Variants in BCAS3 observed in about 807,000 individuals in gnomAD.
BCAS3 encodes the protein BCAS4/BCAS3 fusion.
A neutral mutation model predicts 116.1 loss-of-function variants in BCAS3; 53 were observed. The ratio of observed to expected loss-of-function variants is 0.46; its 90% CI spans 0.37 to 0.57. The LOEUF is 0.57. Ranked by LOEUF, BCAS3 falls within the 20% of genes least tolerant of loss-of-function variation. BCAS3 has a pLI of 0.00. For missense variants in BCAS3, 917 were observed against 1,165.4 expected, an observed-to-expected ratio of 0.79 and a Z score of 3.10; for synonymous variants, 391 against 408.2, an observed-to-expected ratio of 0.96 and a Z score of 0.51.
In BCAS3 at chr17:60,879,725, T is replaced by G. The variant is rs533192304; in HGVS notation, c.661+4987T>G. 2.0e-5 allele frequency among the ~76,000 whole-genome samples: 3 copies of G among 152,358 alleles called. No individual in the cohort carries two copies. In the South Asian group the frequency reaches 6.2e-4, roughly 32 times the overall value. ...TTACTTGGAGGAGAAAACTTATTTC[T>G]TATAATCTTAGTGTTATTTCTTGGT... On this transcript the variant is annotated intron_variant, in intron 9 of 23. Coordinates refer to ENST00000407086, the MANE Select transcript of BCAS3 (RefSeq NM_017679.5).
At chr17:61,075,393 C>A (rs2071875475) in intron 20 of BCAS3, among the ~76,000 whole-genome samples, 1 of 152,176 alleles carries the variant, frequency 6.6e-6, no homozygotes, top group Admixed American at 6.5e-5. Context: ...TGGCTCACTG[C>A]AACCTCCAAT....
At chr17:60,762,243 C>T (rs2043613119) in intron 6 of BCAS3, among the ~76,000 whole-genome samples, 1 of 152,080 alleles carries the variant, frequency 6.6e-6, no homozygotes. Flanking sequence ...ATTGCCATTG[C>T]TTTTGGTGTT....
chr17:61,067,487 G>A (rs549787500), intron 19 of BCAS3, among the ~76,000 whole-genome samples: 327 of 149,730 alleles, frequency 2.2e-3, no homozygotes, highest in Admixed American at 5.9e-3. Flanking sequence ...GGGAGGCTGA[G>A]GCAGGCGGAT....
chr17:61,272,832 T>C (rs66560391), intron 22 of BCAS3, among the ~76,000 whole-genome samples: 33,212 of 151,744 alleles, frequency 0.22, 6,912 homozygotes, highest in African/African-American at 0.55. Flanking sequence ...CCAATCTAGA[T>C]GTGTTGACCT....
chr17:60,881,572 C>T (rs932742197), intron 9 of BCAS3, among the ~76,000 whole-genome samples: 61 of 147,940 alleles, frequency 4.1e-4, no homozygotes, highest in Middle Eastern at 3.4e-3. Context: ...GTATATCTCG[C>T]AGTGCTATCC....
intron 4 of BCAS3, among the ~76,000 whole-genome samples, chr17:60,694,769 G>A (rs1262207493): frequency 6.6e-6 from 1 of 151,626 alleles, no homozygotes; most frequent in African/African-American, 2.4e-5. Context: ...GGCAACAATG[G>A]CCATCATCAT....
rs2074542755 is a variant in BCAS3 at position 61,104,834 on chromosome 17, C to A, written c.2425+20270C>A. ...GAGCAGAACATTCTTAAAAGTAAGCCCAGTAAACCTAAGCGTTGGATGGTT... is the reference window on the plus strand; with the variant it reads ...GAGCAGAACATTCTTAAAAGTAAGCACAGTAAACCTAAGCGTTGGATGGTT... On this transcript the variant is annotated intron_variant, in intron 22 of 23. Transcript: ENST00000407086. The surrounding 1 kb of genome is among the most constrained non-coding windows in gnomAD (Gnocchi z 4.1). 6.6e-6 allele frequency among the ~76,000 whole-genome samples: 1 copy of A among 152,074 alleles called. No individual in the cohort carries two copies. The highest frequency in any genetic ancestry group is 2.4e-5 in the African/African-American group (1 of 41,396).
chr17:61,190,478 G>T (rs1207794003), intron 22 of BCAS3, among the ~76,000 whole-genome samples: 1 of 107,992 alleles, frequency 9.3e-6, no homozygotes, highest in African/African-American at 3.6e-5. Context: ...AGTGAGCTGA[G>T]ATCACAACAC....
At chr17:60,760,528 A>G (rs565953577) in intron 6 of BCAS3, among the ~76,000 whole-genome samples, 61 of 151,298 alleles carry the variant, frequency 4.0e-4, no homozygotes, top group African/African-American at 1.4e-3. Flanking sequence ...AGCACTTGCA[A>G]TATGTCATTC....
intron 12 of BCAS3, among the ~76,000 whole-genome samples, chr17:60,917,957 T>C (rs1470498942): frequency 6.6e-6 from 1 of 152,222 alleles, no homozygotes; most frequent in Non-Finnish European, 1.5e-5. Context: ...ATTGAGTCTC[T>C]ACTTGTAATA....
In BCAS3 at chr17:61,337,136, A is replaced by G. The variant is rs895763547; in HGVS notation, c.2426-31191A>G. On this transcript the variant is annotated intron_variant, in intron 22 of 23. Coordinates refer to ENST00000407086, the MANE Select transcript of BCAS3 (RefSeq NM_017679.5). This position sits in a 1 kb window ranked among gnomAD's most constrained non-coding sequence, Gnocchi z 4.8. Reference sequence around the variant, plus strand: ...TCAAAAAAAAACAACAACAAACTTTATCCTTTCTGAACTCCAAGCCTGATA... The same window carrying G: ...TCAAAAAAAAACAACAACAAACTTTGTCCTTTCTGAACTCCAAGCCTGATA... 3.3e-5 allele frequency among the ~76,000 whole-genome samples: 5 copies of G among 151,940 alleles called. No individual in the cohort carries two copies. The highest frequency in any genetic ancestry group is 2.6e-4 in the Admixed American group (4 of 15,252).
intron 7 of BCAS3, among the ~76,000 whole-genome samples, chr17:60,854,851 G>C (rs2053513134): frequency 6.6e-6 from 1 of 152,010 alleles, no homozygotes; most frequent in African/African-American, 2.4e-5. Context: ...CCAAAACCTG[G>C]CAGCAAGTTG....
chr17:61,263,020 A>G (rs1030862411), intron 22 of BCAS3, among the ~76,000 whole-genome samples: 2 of 152,222 alleles, frequency 1.3e-5, no homozygotes, highest in Non-Finnish European at 2.9e-5. Flanking sequence ...AAGGCTGTCA[A>G]TTATCCCCAA....
intron 19 of BCAS3, among the ~76,000 whole-genome samples, chr17:61,058,627 A>G (rs72844904): frequency 0.069 from 10,569 of 152,236 alleles, 542 homozygotes; most frequent in Non-Finnish European, 0.1. Context: ...TAGCACTTTG[A>G]TTGTTTCTCT....
rs987852892 is a variant in BCAS3, at chr17:61,313,174, G to A, written c.2426-55153G>A. ...AGTCTTTGGATTCATGGCAATTACT[G>A]CCAGGTAGAGAAAGCGAATGCTGTT... On this transcript the variant is annotated intron_variant, in intron 22 of 23. Transcript: ENST00000407086. This position sits in a 1 kb window ranked among gnomAD's most constrained non-coding sequence, Gnocchi z 4.3. Among the ~76,000 whole-genome samples the A allele has an allele frequency of 3.3e-5, 5 of 152,196 alleles. No homozygotes were observed. Among genetic ancestry groups the A allele is most frequent in the African/African-American group, 1.2e-4 (5 of 41,452 alleles).
chr17:61,025,924 A>G (rs1246643953), intron 16 of BCAS3, among the ~76,000 whole-genome samples: 1 of 152,058 alleles, frequency 6.6e-6, no homozygotes, highest in African/African-American at 2.4e-5. Context: ...AATCAGCAGG[A>G]TTTTTATTTT....
Position 61,084,833 on chromosome 17 carries a change from T to C in BCAS3, c.2425+269T>C, listed in dbSNP as rs780872420. On this transcript the variant is annotated intron_variant, in intron 22 of 23. Coordinates refer to ENST00000407086, the MANE Select transcript of BCAS3 (RefSeq NM_017679.5). This position sits in a 1 kb window ranked among gnomAD's most constrained non-coding sequence, Gnocchi z 5.5. ...TATTGAAGGCTACAGGGTTGATGACTGTTTTGCCTTTGATCACTGAAATGT... is the reference window on the plus strand; with the variant it reads ...TATTGAAGGCTACAGGGTTGATGACCGTTTTGCCTTTGATCACTGAAATGT... Among the ~76,000 whole-genome samples, 3 of 152,244 alleles carry C rather than the reference T, an allele frequency of 2.0e-5. No homozygotes were observed. Among genetic ancestry groups the C allele is most frequent in the African/African-American group, 7.2e-5 (3 of 41,458 alleles).
intron 6 of BCAS3, among the ~76,000 whole-genome samples, chr17:60,781,887 G>A (rs2045866817): frequency 6.6e-6 from 1 of 151,906 alleles, no homozygotes; most frequent in African/African-American, 2.4e-5. Context: ...CAAGCTTTCT[G>A]GTTCTTTCTT....
chr17:61,371,531 A>C (rs1010270), intron 23 of BCAS3, among the ~76,000 whole-genome samples: 9,781 of 152,250 alleles, frequency 0.064, 957 homozygotes, highest in African/African-American at 0.21. Context: ...GACTCTAGTT[A>C]ATAACAATGT....
Sources: gnomAD v4.1 joint callset for allele counts (sites outside exome capture counted in the v4.1 genomes callset) on GRCh38, gnomAD v4.1.1 for gene constraint, Gnocchi (gnomAD v3.1) non-coding constraint, MANE v1.5 for transcripts, NCBI Gene and HGNC (gene_info 2026-07-23, HGNC 2026-07-21) for gene names.